The following GJA8 variants were observed in gnomAD, a reference collection of about 807,000 sequenced individuals.
The protein encoded by GJA8 is gap junction alpha-8 protein.
A neutral mutation model predicts 15.3 loss-of-function variants in GJA8; 13 were observed. The ratio of observed to expected loss-of-function variants is 0.85; its 90% CI spans 0.55 to 1.35. GJA8 has a LOEUF of 1.35. GJA8 is among the 40% of genes most tolerant of loss of function. The pLI is 0.00. For synonymous variants in GJA8, 304 were observed against 238.7 expected, an observed-to-expected ratio of 1.27 and a Z score of -2.52; for missense variants, 607 against 553.3, an observed-to-expected ratio of 1.10 and a Z score of -0.97.
Position 147,907,689 on chromosome 1 carries a change from G to A in GJA8, c.-11-256G>A, listed in dbSNP as rs1651852817. On this transcript the variant is annotated intron_variant, in intron 1 of 1. Coordinates refer to ENST00000369235, the MANE Select transcript of GJA8 (RefSeq NM_005267.5). ...CCTCATTGATGCTTTCAGACCATTT[G>A]TGAAGTGAATGAGAATAGGTATTAT... 2.0e-5 allele frequency among the ~76,000 whole-genome samples: 3 copies of A among 152,318 alleles called. No homozygotes were observed. In the South Asian group the frequency reaches 6.2e-4, roughly 32 times the overall value.
downstream of GJA8, among the ~76,000 whole-genome samples, chr1:147,912,149 C>A (rs1652186748): frequency 6.6e-6 from 1 of 152,178 alleles, no homozygotes; most frequent in Non-Finnish European, 1.5e-5. Flanking sequence ...CATTTGCCAC[C>A]TACCTACATC....
chr1:147,914,370 A>G, the GJA8 span, among the ~76,000 whole-genome samples: 1 of 152,218 alleles, frequency 6.6e-6, no homozygotes. Flanking sequence ...CTGGCAAAAG[A>G]GAGACACGTT....
chr1:147,912,617 C>T (rs1553243603), downstream of GJA8, among the ~76,000 whole-genome samples: 1 of 152,068 alleles, frequency 6.6e-6, no homozygotes, highest in East Asian at 1.9e-4. Flanking sequence ...ATTATAATCC[C>T]CATGGGCTTC....
At chr1:147,904,964 A>C (rs61810430) in intron 1 of GJA8, among the ~76,000 whole-genome samples, 5,066 of 152,300 alleles carry the variant, frequency 0.033, 91 homozygotes, top group Middle Eastern at 0.051. Context: ...TTCTTGTGTC[A>C]TGAACATGTA....
chr1:147,908,330 C>T lies in GJA8; in HGVS notation c.375C>T (p.Asp125=). 1 of 1,614,184 alleles carries T rather than the reference C, an allele frequency of 6.2e-7. No individual in the cohort carries two copies. The highest frequency in any genetic ancestry group is 1.1e-5 in the South Asian group (1 of 91,074). The part of the protein sequence containing the change: ...GQQAGTNGGP[D]QGSVKKSSGS... ...AGGCGGGGACTAACGGCGGCCCGGA[C>T]CAGGGCAGCGTCAAGAAGAGCAGCG... is the stretch of plus-strand genomic sequence containing the variant. Residue 125 remains aspartate (D), a synonymous_variant, in exon 2 of 2, where the codon GAC becomes GAT. Transcript: ENST00000369235.
downstream of GJA8, among the ~76,000 whole-genome samples, chr1:147,912,312 G>C (rs587742101): frequency 1.3e-5 from 2 of 152,130 alleles, no homozygotes; most frequent in African/African-American, 4.8e-5. Flanking sequence ...TAGTTACCTG[G>C]TGAGTTTTTC....
intron 1 of GJA8, among the ~76,000 whole-genome samples, chr1:147,903,934 C>CTTTTT (rs56033018): frequency 0.24 from 32,552 of 134,104 alleles, 4,587 homozygotes; most frequent in East Asian, 0.35. Flanking sequence ...TTTAATAACT[C>CTTTTT]TTTTTTTTTT....
At chr1:147,903,356 C>T (rs1476940222) in intron 1 of GJA8, among the ~76,000 whole-genome samples, 1 of 152,148 alleles carries the variant, frequency 6.6e-6, no homozygotes, top group African/African-American at 2.4e-5. Context: ...CATAAAATTC[C>T]TCCTAGGAGC....
chr1:147,908,679 CA>C lies in GJA8; in HGVS notation c.725del (p.Gln242ArgfsTer28). The C allele has an allele frequency of 6.2e-7, 1 of 1,614,158 alleles. No individual in the cohort carries two copies. The highest frequency in any genetic ancestry group is 8.5e-7 in the Non-Finnish European group (1 of 1,180,002). On this transcript the variant is annotated frameshift_variant, in exon 2 of 2. Transcript: ENST00000369235. LOFTEE classifies it low-confidence loss of function (END_TRUNC). ...GTCTGCCTTGAAGAGGCCTGTAGAG[CA>C]GCCCCTGGGGGAGATTCCTGAGAAA... ...IRSALKRPVEQPLGEIPEKSL... is the reference protein window; with the variant it reads ...IRSALKRPVEXPLGEIPEKSL...
chr1:147,913,221 G>A (rs1421637474), downstream of GJA8, among the ~76,000 whole-genome samples: 2 of 152,154 alleles, frequency 1.3e-5, no homozygotes, highest in East Asian at 3.9e-4. Context: ...GGAAATAAAT[G>A]GAAAAGAAAG....
downstream of GJA8, among the ~76,000 whole-genome samples, chr1:147,911,028 A>G (rs587649887): frequency 2.0e-5 from 3 of 152,348 alleles, no homozygotes; most frequent in Non-Finnish European, 4.4e-5. Context: ...ATTGATTTCC[A>G]GAGCAAGGAG....
rs1553243027 is a variant in GJA8, at chr1:147,909,126, G to A, written c.1171G>A (p.Val391Met). 2 of 1,614,090 alleles carry A rather than the reference G, an allele frequency of 1.2e-6. No individual in the cohort carries two copies. The highest frequency in any genetic ancestry group is 1.7e-6 in the Non-Finnish European group (2 of 1,180,002). ...AAAAGAAGAGCCGCAGTCGGAGAAGGTGTCAAAGCAAGGGCTGCCAGCTGA... is the reference window on the plus strand; with the variant it reads ...AAAAGAAGAGCCGCAGTCGGAGAAGATGTCAAAGCAAGGGCTGCCAGCTGA... ...GEKEEPQSEK[V>M]SKQGLPAEKT... Residue 391 changes from valine (V) to methionine (M), a missense_variant, in exon 2 of 2, where the codon GTG (valine) becomes ATG (methionine). Transcript: ENST00000369235.
At chr1:147,907,823 G>A in intron 1 of GJA8, 122 bp from the exon 2 acceptor site, 4 of 758,996 alleles carry the variant, frequency 5.3e-6, no homozygotes, top group East Asian at 2.5e-5. Context: ...GATAGACGCT[G>A]TGTGCACATT....
downstream of GJA8, among the ~76,000 whole-genome samples, chr1:147,911,312 C>A (rs914208141): frequency 5.3e-5 from 8 of 152,174 alleles, no homozygotes; most frequent in African/African-American, 9.7e-5. Flanking sequence ...CCAAAGCAGG[C>A]CTTTTCCAAA....
intron 1 of GJA8, among the ~76,000 whole-genome samples, chr1:147,906,139 A>T (rs1280113028): frequency 1.3e-5 from 2 of 152,256 alleles, no homozygotes; most frequent in African/African-American, 2.4e-5. Context: ...GTGATTAAAA[A>T]ACAATAGGCA....
At chr1:147,904,800 C>A (rs948940045) in intron 1 of GJA8, among the ~76,000 whole-genome samples, 1 of 152,064 alleles carries the variant, frequency 6.6e-6, no homozygotes, top group Non-Finnish European at 1.5e-5. Context: ...AAGATTGTGT[C>A]CTAAATTACA....
In GJA8 at chr1:147,908,615, C is replaced by T. The variant is rs782043701; in HGVS notation, c.660C>T (p.Asn220=). 7 of 1,614,132 alleles carry T rather than the reference C, an allele frequency of 4.3e-6. No individual in the cohort carries two copies. In the African/African-American group the frequency reaches 5.3e-5, roughly 12 times the overall value. ...LSVASVSLFL[N]VMELGHLGLK... is the part of the protein sequence containing the mutation. The stretch of plus-strand genomic sequence containing the variant: ...TGGCCTCTGTGTCCCTATTCCTCAA[C>T]GTGATGGAGTTGGGCCACCTGGGCC... The change falls in exon 2 of 2, where the codon AAC becomes AAT. Residue 220 remains asparagine, a synonymous_variant. Transcript: ENST00000369235.
In GJA8 at chr1:147,908,936, G is replaced by T. The variant is rs781898803; in HGVS notation, c.981G>T (p.Gly327=). 1 of 1,610,090 alleles carries T rather than the reference G, an allele frequency of 6.2e-7. No individual in the cohort carries two copies. Among genetic ancestry groups the T allele is most frequent in the East Asian group, 2.2e-5 (1 of 44,798 alleles). The change falls in exon 2 of 2, where the codon GGG becomes GGT. Residue 327 remains glycine (G), a synonymous_variant. Transcript: ENST00000369235. ...CACTGCCTTCCTACGCTCAGGTGGG[G>T]GCACAAGAAGTGGAGGGCGAGGGGC... The part of the protein sequence containing the change: ...QETLPSYAQV[G]AQEVEGEGPP...
chr1:147,912,911 A>G (rs1265409420), downstream of GJA8, among the ~76,000 whole-genome samples: 4 of 151,332 alleles, frequency 2.6e-5, no homozygotes, highest in South Asian at 2.1e-4. Flanking sequence ...AAAAAAAAAA[A>G]AAAAGAAAGA....
Sources: allele counts gnomAD v4.1 joint callset (sites outside exome capture counted in the v4.1 genomes callset), GRCh38; gene constraint gnomAD v4.1.1; transcripts MANE v1.5; gene names NCBI Gene and HGNC (gene_info 2026-07-23, HGNC 2026-07-21).